NRXN2: variants seen among roughly 807,000 people sequenced by gnomAD.
The protein encoded by NRXN2 is neurexin 2.
NRXN2 carries 29 observed loss-of-function variants against 128.8 expected under a neutral mutation model. The observed-to-expected ratio is 0.23, with a 90% CI of 0.17 to 0.31. The LOEUF is 0.31. Among genes scored for constraint, NRXN2 ranks in the 10% least tolerant of loss-of-function variants. The pLI, the probability that NRXN2 is intolerant of heterozygous loss-of-function variation, is 1.00. For synonymous variants in NRXN2, 1,098 were observed against 1,075.2 expected (o/e 1.02, Z -0.41); for missense variants, 1,881 against 2,452.6 (o/e 0.77, Z 4.92).
At chr11:64,638,629 G>C (rs897325733) in intron 17 of NRXN2, among the ~76,000 whole-genome samples, 1 of 152,242 alleles carries the variant, frequency 6.6e-6, no homozygotes, top group Admixed American at 6.5e-5. Flanking sequence ...GAAAGGGTCT[G>C]AAAGGCAAGA....
rs774128192 is a variant in NRXN2 at position 64,607,428 on chromosome 11, G to A, written c.4907C>T (p.Thr1636Met). ...CGCCACAATGCCCACCACCATGCCC[G>A]TGGTGCTGCTGGACTCCCGGATCAC... ...VEVIRESSST[T>M]GMVVGIVAAA... Residue 1636 changes from threonine (T) to methionine (M), a missense_variant, in exon 23 of 23, where the codon ACG (threonine) becomes ATG (methionine). Around this residue, in one of 7 missense-constraint regions of NRXN2, gnomAD observed 11 missense variants for 31.3 expected, o/e 0.35. Coordinates refer to ENST00000265459, the MANE Select transcript of NRXN2 (RefSeq NM_015080.4). The A allele has an allele frequency of 2.5e-6, 4 of 1,612,926 alleles. No individual in the cohort carries two copies. The highest frequency in any genetic ancestry group is 3.3e-5 in the Admixed American group (2 of 60,012).
chr11:64,664,409 C>T (rs1197763227), intron 9 of NRXN2, among the ~76,000 whole-genome samples: 2 of 147,472 alleles, frequency 1.4e-5, no homozygotes, highest in East Asian at 4.0e-4. Context: ...ACCCAGGAGG[C>T]AGAGGTTGCA....
chr11:64,695,156 A>G (rs983510567), intron 3 of NRXN2, among the ~76,000 whole-genome samples: 4 of 151,366 alleles, frequency 2.6e-5, no homozygotes, highest in Admixed American at 1.3e-4. Context: ...ACTAATCTGA[A>G]ATCTCTGCTC....
intron 1 of NRXN2, among the ~76,000 whole-genome samples, chr11:64,721,838 G>C (rs1412160402): frequency 1.3e-5 from 2 of 152,030 alleles, no homozygotes; most frequent in African/African-American, 4.8e-5. Context: ...GGGCAGCCAA[G>C]GGACTGGGGA....
intron 22 of NRXN2, among the ~76,000 whole-genome samples, chr11:64,610,802 G>C (rs1037208530): frequency 6.6e-6 from 1 of 152,200 alleles, no homozygotes; most frequent in Non-Finnish European, 1.5e-5. Flanking sequence ...AGCCTCTCGA[G>C]CGGTCGTAAC....
At chr11:64,678,019 G>A (rs74998221) in intron 6 of NRXN2, among the ~76,000 whole-genome samples, 2,698 of 152,274 alleles carry the variant, frequency 0.018, 67 homozygotes, top group African/African-American at 0.061. Context: ...GAGGGGTCAT[G>A]GATGCCTGCT....
In NRXN2 at chr11:64,660,215, A is replaced by T. The variant is rs1324780816; in HGVS notation, c.2389+117T>A. 8.2e-7 allele frequency: 1 copy of T among 1,212,272 alleles called. No individual in the cohort carries two copies. Among genetic ancestry groups the T allele is most frequent in the African/African-American group, 1.5e-5 (1 of 67,118 alleles). The allele number at this position is 1,212,272 out of a possible 1,614,324, so 75.1% of individuals were successfully genotyped here. On this transcript the variant is annotated intron_variant, in intron 11 of 22. Transcript: ENST00000265459. The surrounding 1 kb of genome is among the most constrained non-coding windows in gnomAD (Gnocchi z 5.2). Reference sequence around the variant, plus strand: ...CCCAGGCTGGCGCCTCCCCACCTCCAAACTCTGCTGAGGGCACCTCTTGCT... The same window carrying T: ...CCCAGGCTGGCGCCTCCCCACCTCCTAACTCTGCTGAGGGCACCTCTTGCT...
intron 17 of NRXN2, among the ~76,000 whole-genome samples, chr11:64,638,408 G>A (rs1208358540): frequency 6.6e-6 from 1 of 152,180 alleles, no homozygotes; most frequent in Non-Finnish European, 1.5e-5. Flanking sequence ...CCTCCGGAGC[G>A]CAGAAGGCTG....
intron 2 of NRXN2, among the ~76,000 whole-genome samples, chr11:64,709,061 G>A (rs1359193912): frequency 2.6e-5 from 4 of 151,818 alleles, no homozygotes; most frequent in African/African-American, 4.8e-5. Context: ...ACATAGTGGC[G>A]GGCGCCTGTA....
intron 21 of NRXN2, 54 bp from the exon 22 acceptor site, chr11:64,620,426 T>C: frequency 7.1e-7 from 1 of 1,401,978 alleles, no homozygotes. Context: ...GGTCAGCAGA[T>C]CCCACAGCTG....
At chr11:64,677,068 AGGG>A in intron 6 of NRXN2, 31 bp from the exon 7 acceptor site, 8 of 1,282,560 alleles carry the variant, frequency 6.2e-6, no homozygotes, top group Non-Finnish European at 8.5e-6. Flanking sequence ...GATGGGGAGG[AGGG>A]GGGTGTCAAA....
rs373036034 is a variant in NRXN2, at chr11:64,660,375, G to C, written c.2346C>G (p.Arg782=). ...TCATCTGCCCCCCATCCAGCTCCAG[G>C]CGTAGGGTGTCGGCAGACTCCCTGG... ...TTSRESADTL[R]LELDGGQMKL... is the part of the protein sequence containing the mutation. The change falls in exon 11 of 23, where the codon CGC becomes CGG. Residue 782 remains arginine, a synonymous_variant. Transcript: ENST00000265459. The surrounding 1 kb of genome is among the most constrained non-coding windows in gnomAD (Gnocchi z 5.2). The C allele has an allele frequency of 1.6e-5, 26 of 1,614,030 alleles. No individual in the cohort carries two copies. The African/African-American group carries it at 3.5e-4, about 22-fold the overall frequency.
At chr11:64,664,282 G>C (rs1446565852) in intron 9 of NRXN2, among the ~76,000 whole-genome samples, 1 of 151,390 alleles carries the variant, frequency 6.6e-6, no homozygotes, top group Non-Finnish European at 1.5e-5. Context: ...TTCAAGACCA[G>C]CCTGATCAAC....
In NRXN2 at chr11:64,607,539, C is replaced by G; in HGVS notation, c.4796G>C (p.Gly1599Ala). 1 of 1,563,448 alleles carries G rather than the reference C, an allele frequency of 6.4e-7. No homozygotes were observed. Among genetic ancestry groups the G allele is most frequent in the Non-Finnish European group, 8.6e-7 (1 of 1,158,766 alleles). The change falls in exon 23 of 23, where the codon GGC becomes GCC. Residue 1599 changes from glycine (G) to alanine (A), a missense_variant. Physicochemically the swap from Gly to Ala is moderately conservative, Grantham distance 60 (BLOSUM62 0). Transcript: ENST00000265459. ...EPRRPPPLRP[G>A]VTSAPGFPHL... ...GGGGAAGCCGGGGGCTGAGGTCACG[C>G]CGGGGCGCAGGGGAGGGGGCCTCCG...
chr11:64,716,269 C>G (rs2057301205), intron 1 of NRXN2, among the ~76,000 whole-genome samples: 1 of 152,138 alleles, frequency 6.6e-6, no homozygotes, highest in African/African-American at 2.4e-5. Flanking sequence ...AAGCTCAGAA[C>G]AGGAGGGACT....
intron 2 of NRXN2, 44 bp from the exon 3 acceptor site, chr11:64,697,836 G>A: frequency 1.2e-6 from 2 of 1,611,636 alleles, no homozygotes; most frequent in Non-Finnish European, 1.7e-6. Context: ...AGAGAGAGAA[G>A]AAAAAGGAGG....
intron 2 of NRXN2, among the ~76,000 whole-genome samples, chr11:64,710,479 G>T (rs2056785828): frequency 6.6e-6 from 1 of 152,148 alleles, no homozygotes; most frequent in Admixed American, 6.5e-5. Flanking sequence ...CTCAGGGAAT[G>T]GATACAAAGG....
At position 64,713,744 on chromosome 11, in the gene NRXN2, G is replaced by A; in HGVS notation, c.-45C>T. 2 of 1,008,080 alleles carry A rather than the reference G, an allele frequency of 2.0e-6. No individual in the cohort carries two copies. The highest frequency in any genetic ancestry group is 2.4e-6 in the Non-Finnish European group (2 of 842,040). 62.4% of individuals were successfully genotyped at this position (1,008,080 alleles called of 1,614,324 possible). On this transcript the variant is annotated 5_prime_UTR_variant, in exon 2 of 23. Transcript: ENST00000265459. ...CCGCCCGGCCCCCGGCCCCCGCTCA[G>A]GCTTCAGAGCCGCGGGCGCATGGGG...
chr11:64,608,000 CG>C lies in NRXN2; in HGVS notation c.4334del (p.Pro1445ArgfsTer121). ...TGAGGAAGGGGTAGAAGGTAGGGGGCGGGGGCACGAAGGGGGATCGGGTGGC... is the reference window on the plus strand; with the variant it reads ...TGAGGAAGGGGTAGAAGGTAGGGGGCGGGGCACGAAGGGGGATCGGGTGGC... ...PVATRSPFVP[P>X]PPTFYPFLTG... On this transcript the variant is annotated frameshift_variant, in exon 23 of 23. Coordinates refer to ENST00000265459, the MANE Select transcript of NRXN2 (RefSeq NM_015080.4). LOFTEE classifies it low-confidence loss of function (END_TRUNC). 2 of 399,550 alleles carry C rather than the reference CG, an allele frequency of 5.0e-6. No homozygotes were observed. The highest frequency in any genetic ancestry group is 7.6e-6 in the Non-Finnish European group (2 of 262,652). 24.8% of individuals were successfully genotyped at this position (399,550 alleles called of 1,614,324 possible). A position where few individuals can be genotyped will look rare whatever the true frequency, so the allele number is the denominator to read the frequency against.
Sources: allele counts gnomAD v4.1 joint callset (sites outside exome capture counted in the v4.1 genomes callset), GRCh38; gene constraint gnomAD v4.1.1; regional missense constraint gnomAD v4.1.1; non-coding constraint Gnocchi (gnomAD v3.1); transcripts MANE v1.5; gene names NCBI Gene and HGNC (gene_info 2026-07-23, HGNC 2026-07-21).